NUBPL: variants seen among roughly 807,000 people sequenced by gnomAD.
NUBPL encodes the protein iron-sulfur cluster transfer protein NUBPL.
A neutral mutation model predicts 45.7 loss-of-function variants in NUBPL; 31 were observed. The ratio of observed to expected loss-of-function variants is 0.68; its 90% confidence interval spans 0.51 to 0.92. NUBPL has a LOEUF of 0.92. Among genes scored for constraint, NUBPL ranks in the 40% least tolerant of loss-of-function variants. The pLI is 0.00. For synonymous variants in NUBPL, 144 were observed against 140.9 expected, an observed-to-expected ratio of 1.02 and a Z score of -0.15; for missense variants, 401 against 398.7, an observed-to-expected ratio of 1.01 and a Z score of -0.05.
rs140404182 is a variant in NUBPL, at chr14:31,597,500, T to G, written c.292-1789T>G. 3.9e-5 allele frequency among the ~76,000 whole-genome samples: 6 copies of G among 152,292 alleles called. No homozygotes were observed. In the East Asian group the frequency reaches 7.7e-4, roughly 20 times the overall value. ...TTTTGAAGGAAACTTGAAAATCTAGTGATGATAAAATTGACCCTAGCAATC... is the reference window on the plus strand; with the variant it reads ...TTTTGAAGGAAACTTGAAAATCTAGGGATGATAAAATTGACCCTAGCAATC... On this transcript the variant is annotated intron_variant, in intron 3 of 10. Transcript: ENST00000281081.
chr14:31,610,334 C>T (rs1051507368), intron 4 of NUBPL, among the ~76,000 whole-genome samples: 8 of 151,934 alleles, frequency 5.3e-5, no homozygotes, highest in Non-Finnish European at 7.4e-5. Flanking sequence ...TTCATATACA[C>T]GTACAACCTA....
At chr14:31,836,462 A>G (rs769058522) in intron 8 of NUBPL, among the ~76,000 whole-genome samples, 1 of 152,226 alleles carries the variant, frequency 6.6e-6, no homozygotes, top group Non-Finnish European at 1.5e-5. Flanking sequence ...CAATAAATAC[A>G]AACAGCTTAA....
chr14:31,809,758 C>A (rs2039763464), intron 7 of NUBPL, among the ~76,000 whole-genome samples: 1 of 152,210 alleles, frequency 6.6e-6, no homozygotes, highest in Non-Finnish European at 1.5e-5. Context: ...GCATTTAGTT[C>A]TATAAATTTC....
Position 31,565,044 on chromosome 14 carries a change from A to T in NUBPL, c.287A>T (p.Asp96Val), listed in dbSNP as rs2033400591. 11 of 1,541,242 alleles carry T rather than the reference A, an allele frequency of 7.1e-6. No homozygotes were observed. Among genetic ancestry groups the T allele is most frequent in the Non-Finnish European group, 9.8e-6 (11 of 1,124,396 alleles). ...CTTGCACTTGCACTAGCAGCGAACG[A>T]TTCGGTAGGTGTTTATTAATAGAAA... is the stretch of plus-strand genomic sequence containing the variant. ...VNLALALAAN[D>V]SSKAIGLLDV... Residue 96 changes from aspartate (D) to valine (V), a missense_variant, in exon 3 of 11, where the codon GAT becomes GTT. By Grantham distance (152) the Asp-to-Val change is radical (BLOSUM62 -3). Coordinates refer to ENST00000281081, the MANE Select transcript of NUBPL (RefSeq NM_025152.3).
intron 6 of NUBPL, among the ~76,000 whole-genome samples, chr14:31,692,433 G>C (rs145228509): frequency 2.6e-5 from 4 of 152,274 alleles, no homozygotes; most frequent in Non-Finnish European, 5.9e-5. Context: ...AACTTCAAAG[G>C]CTACTGTGAT....
intron 8 of NUBPL, among the ~76,000 whole-genome samples, chr14:31,831,659 C>A (rs141571354): frequency 8.6e-4 from 131 of 152,236 alleles, no homozygotes; most frequent in African/African-American, 3.0e-3. Flanking sequence ...GGACAGAATT[C>A]AGTCTTGAAA....
chr14:31,751,153 G>A (rs77533544), intron 6 of NUBPL, among the ~76,000 whole-genome samples: 2 of 152,224 alleles, frequency 1.3e-5, no homozygotes, highest in East Asian at 3.9e-4. Flanking sequence ...GATTTGGATG[G>A]GGACACAGAG....
chr14:31,627,003 A>G (rs979118009), intron 4 of NUBPL, among the ~76,000 whole-genome samples: 5 of 152,160 alleles, frequency 3.3e-5, no homozygotes, highest in Admixed American at 2.0e-4. Flanking sequence ...CCGTAGACCC[A>G]TGGAATAAAA....
intron 3 of NUBPL, among the ~76,000 whole-genome samples, chr14:31,584,533 A>G (rs1418897608): frequency 1.3e-5 from 2 of 152,224 alleles, no homozygotes; most frequent in Non-Finnish European, 2.9e-5. Context: ...AGAGTTTTAC[A>G]TCCACCACCA....
At chr14:31,572,297 A>C (rs1451773740) in intron 3 of NUBPL, among the ~76,000 whole-genome samples, 1 of 151,798 alleles carries the variant, frequency 6.6e-6, no homozygotes, top group Non-Finnish European at 1.5e-5. Flanking sequence ...CCGCCACCAC[A>C]CCCATCTAAT....
At chr14:31,616,484 A>G (rs2034902968) in intron 4 of NUBPL, among the ~76,000 whole-genome samples, 1 of 113,998 alleles carries the variant, frequency 8.8e-6, no homozygotes, top group Admixed American at 1.1e-4. Flanking sequence ...AGCTTTCTGC[A>G]TATGGCTAGC....
intron 4 of NUBPL, among the ~76,000 whole-genome samples, chr14:31,658,012 A>G (rs2139761048): frequency 1.3e-5 from 2 of 152,332 alleles, no homozygotes; most frequent in Middle Eastern, 3.4e-3. Context: ...TACCTAAAAG[A>G]TATGTCAGAA....
At chr14:31,578,623 C>A (rs2033780825) in intron 3 of NUBPL, among the ~76,000 whole-genome samples, 1 of 152,194 alleles carries the variant, frequency 6.6e-6, no homozygotes, top group African/African-American at 2.4e-5. Flanking sequence ...CATGTTCTTG[C>A]TTTCTCCTTC....
At chr14:31,617,118 G>C (rs1043254578) in intron 4 of NUBPL, among the ~76,000 whole-genome samples, 1 of 152,104 alleles carries the variant, frequency 6.6e-6, no homozygotes, top group Non-Finnish European at 1.5e-5. Flanking sequence ...TTTGCACATT[G>C]GTTTTGTATC....
intron 3 of NUBPL, among the ~76,000 whole-genome samples, chr14:31,569,656 TG>T (rs1404840689): frequency 1.3e-5 from 2 of 152,326 alleles, no homozygotes; most frequent in South Asian, 2.1e-4. Context: ...ACCCATGGTG[TG>T]CCTGAGCCAG....
Position 31,859,208 on chromosome 14 carries a change from G to C in NUBPL, c.*28G>C. On this transcript the variant is annotated 3_prime_UTR_variant, in exon 11 of 11. Coordinates refer to ENST00000281081, the MANE Select transcript of NUBPL (RefSeq NM_025152.3). ...CCCCAAGTGTCCTGGAAATTTGCCT[G>C]GTACTGACATTAAGAGGACCTTTGG... 5 of 1,589,744 alleles carry C rather than the reference G, an allele frequency of 3.1e-6. No individual in the cohort carries two copies. The highest frequency in any genetic ancestry group is 4.3e-6 in the Non-Finnish European group (5 of 1,158,054).
chr14:31,820,612 T>C (rs1236622372), intron 7 of NUBPL, among the ~76,000 whole-genome samples: 1 of 151,946 alleles, frequency 6.6e-6, no homozygotes, highest in African/African-American at 2.4e-5. Flanking sequence ...TCACCTGAGG[T>C]CAGGAGTTAG....
intron 6 of NUBPL, among the ~76,000 whole-genome samples, chr14:31,754,342 G>A (rs1188900184): frequency 2.0e-5 from 3 of 152,142 alleles, no homozygotes; most frequent in Non-Finnish European, 4.4e-5. Flanking sequence ...GAGTAGTCAT[G>A]CCAAATATTT....
At chr14:31,691,548 TGTTTCTTAA>T (rs2037094553) in intron 6 of NUBPL, among the ~76,000 whole-genome samples, 1 of 152,194 alleles carries the variant, frequency 6.6e-6, no homozygotes, top group Non-Finnish European at 1.5e-5. Context: ...ATGGAAGTGA[TGTTTCTTAA>T]AAAAGACAGG....
Sources: allele counts gnomAD v4.1 joint callset (sites outside exome capture counted in the v4.1 genomes callset), GRCh38; gene constraint gnomAD v4.1.1; transcripts MANE v1.5; gene names NCBI Gene and HGNC (gene_info 2026-07-23, HGNC 2026-07-21).